Variants in NRG2 observed in about 807,000 individuals in gnomAD.
The protein encoded by NRG2 is neuregulin 2.
Under a neutral mutation model 73.9 loss-of-function variants are expected in NRG2, and 27 were observed. The observed-to-expected ratio is 0.37, with a 90% confidence interval of 0.27 to 0.50. The LOEUF is 0.50. Among genes scored for constraint, NRG2 ranks in the 20% least tolerant of loss-of-function variants. NRG2 has a pLI of 0.96. For missense variants in NRG2, 1,126 were observed against 1,210.1 expected, an observed-to-expected ratio of 0.93 and a Z score of 1.03; for synonymous variants, 532 against 541.0, an observed-to-expected ratio of 0.98 and a Z score of 0.23.
Position 139,887,457 on chromosome 5 carries a change from T to C in NRG2, c.755A>G (p.Lys252Arg). 6.2e-7 allele frequency: 1 copy of C among 1,614,240 alleles called. No homozygotes were observed. Among genetic ancestry groups the C allele is most frequent in the Non-Finnish European group, 8.5e-7 (1 of 1,180,040 alleles). Reference protein sequence around the residue: ...MKSQTGQVGEKQSLKCEAAAG... With the variant: ...MKSQTGQVGERQSLKCEAAAG... Reference sequence around the variant, plus strand: ...TGCTGCCTCACACTTCAGCGATTGCTTCTCACCCACCTGTCCCGTCTGGCT... The same window carrying C: ...TGCTGCCTCACACTTCAGCGATTGCCTCTCACCCACCTGTCCCGTCTGGCT... The change falls in exon 2 of 10, where the codon AAG (lysine) becomes AGG (arginine). Residue 252 changes from lysine to arginine, a missense_variant. Lys to Arg is a conservative substitution (Grantham distance 26, BLOSUM62 2). Coordinates refer to ENST00000361474, the MANE Select transcript of NRG2 (RefSeq NM_004883.3). The surrounding 1 kb of genome is among the most constrained non-coding windows in gnomAD (Gnocchi z 4.5).
intron 3 of NRG2, among the ~76,000 whole-genome samples, chr5:139,872,200 G>A (rs778824469): frequency 7.9e-5 from 12 of 152,184 alleles, no homozygotes; most frequent in Non-Finnish European, 1.5e-4. Context: ...GGGCTCCCCT[G>A]CAAGTGGTTG....
Position 140,043,166 on chromosome 5 carries a change from C to A in NRG2, c.-97G>T. The A allele has an allele frequency of 1.4e-6, 2 of 1,388,212 alleles. No homozygotes were observed. Among genetic ancestry groups the A allele is most frequent in the South Asian group, 1.4e-5 (1 of 72,078 alleles). The allele number at this position is 1,388,212 out of a possible 1,614,324, so 86.0% of individuals were successfully genotyped here. A position where few individuals can be genotyped will look rare whatever the true frequency, so the allele number is the denominator to read the frequency against. On this transcript the variant is annotated 5_prime_UTR_variant, in exon 1 of 10. Transcript: ENST00000361474. The surrounding 1 kb of genome is among the most constrained non-coding windows in gnomAD (Gnocchi z 6.7). ...AAAACCGGAAACAGCGTAACGTTAG[C>A]GCCTCTTAGCCCTCCACCGGCAGCC...
chr5:139,857,625 C>A (rs923012376), intron 5 of NRG2, among the ~76,000 whole-genome samples: 2 of 151,996 alleles, frequency 1.3e-5, no homozygotes, highest in East Asian at 3.9e-4. Flanking sequence ...TCTCTGCAGG[C>A]ATTTAATCAG....
intron 5 of NRG2, among the ~76,000 whole-genome samples, chr5:139,858,458 T>C (rs1451680257): frequency 6.6e-6 from 1 of 152,242 alleles, no homozygotes; most frequent in Non-Finnish European, 1.5e-5. Flanking sequence ...TTTTATTTTC[T>C]GTGCAGCACT....
chr5:140,016,723 T>C (rs1031383412), intron 1 of NRG2, among the ~76,000 whole-genome samples: 4 of 152,198 alleles, frequency 2.6e-5, no homozygotes, highest in African/African-American at 9.7e-5. Context: ...CTTAAGGAAG[T>C]AACATCTGAG....
At chr5:140,040,995 C>A (rs1290615555) in intron 1 of NRG2, among the ~76,000 whole-genome samples, 2 of 152,144 alleles carry the variant, frequency 1.3e-5, no homozygotes. Context: ...TAGTTAGTGT[C>A]TAGATATACT....
chr5:139,964,925 G>A (rs927223585), intron 1 of NRG2, among the ~76,000 whole-genome samples: 3 of 152,264 alleles, frequency 2.0e-5, no homozygotes, highest in African/African-American at 7.2e-5. Context: ...CTGGAGAGGA[G>A]AGTGGAGTTT....
At position 139,853,135 on chromosome 5, in the gene NRG2, C is replaced by T; in HGVS notation, c.1293-108G>A. 1 of 1,480,448 alleles carries T rather than the reference C, an allele frequency of 6.8e-7. No individual in the cohort carries two copies. Among genetic ancestry groups the T allele is most frequent in the Non-Finnish European group, 9.2e-7 (1 of 1,086,036 alleles). The allele number at this position is 1,480,448 out of a possible 1,614,324, so 91.7% of individuals were successfully genotyped here. On this transcript the variant is annotated intron_variant, in intron 6 of 9. Transcript: ENST00000361474. This position sits in a 1 kb window ranked among gnomAD's most constrained non-coding sequence, Gnocchi z 4.1. ...AGCTTTTCCTCCTGCCCAGGGTGGC[C>T]ATGGCTACTGCTCGTCCCTGTACTC...
In NRG2 at chr5:139,925,780, C is replaced by T. The variant is rs774331051; in HGVS notation, c.701-38269G>A. On this transcript the variant is annotated intron_variant, in intron 1 of 9. Transcript: ENST00000361474. ...GGCTCCTGAGGTCTGGTAGAGGACC[C>T]CTGCAGGGATGGGGAGCTTGAAGGA... Among the ~76,000 whole-genome samples the T allele has an allele frequency of 2.9e-4, 44 of 152,306 alleles. 1 individual carries two copies. The highest frequency in any genetic ancestry group is 7.4e-5 in the Non-Finnish European group (5 of 68,014).
At chr5:139,860,360 T>A (rs550908497) in intron 5 of NRG2, among the ~76,000 whole-genome samples, 1 of 151,720 alleles carries the variant, frequency 6.6e-6, no homozygotes, top group Non-Finnish European at 1.5e-5. Flanking sequence ...AGCTCCCTCA[T>A]TGGGGGCCCA....
At chr5:140,033,051 T>C (rs1761265787) in intron 1 of NRG2, among the ~76,000 whole-genome samples, 1 of 152,228 alleles carries the variant, frequency 6.6e-6, no homozygotes, top group African/African-American at 2.4e-5. Flanking sequence ...ATCAATTAAT[T>C]ATTTAAAATA....
chr5:139,898,174 A>G lies in NRG2; in HGVS notation c.701-10663T>C, dbSNP rs1468745648. On this transcript the variant is annotated intron_variant, in intron 1 of 9. Transcript: ENST00000361474. Reference sequence around the variant, plus strand: ...AGGCCCTGTGGAGGAAACAAAGCCTATGCTGGACCTGAAGGATGAGCAAGA... The same window carrying G: ...AGGCCCTGTGGAGGAAACAAAGCCTGTGCTGGACCTGAAGGATGAGCAAGA... Among the ~76,000 whole-genome samples, 9 of 152,252 alleles carry G rather than the reference A, an allele frequency of 5.9e-5. No homozygotes were observed. In the South Asian group the frequency reaches 1.0e-3, roughly 17 times the overall value.
intron 1 of NRG2, among the ~76,000 whole-genome samples, chr5:139,926,027 G>A (rs1752033096): frequency 6.6e-6 from 1 of 152,230 alleles, no homozygotes; most frequent in African/African-American, 2.4e-5. Context: ...AGTAGATGCA[G>A]CCAATGTGGC....
chr5:140,011,411 G>A (rs568349991), intron 1 of NRG2, among the ~76,000 whole-genome samples: 1 of 152,322 alleles, frequency 6.6e-6, no homozygotes, highest in East Asian at 1.9e-4. Flanking sequence ...TTCCCTGAGT[G>A]TGGGCTGGAC....
chr5:139,862,232 T>G (rs1020185500), intron 5 of NRG2, among the ~76,000 whole-genome samples: 1 of 152,204 alleles, frequency 6.6e-6, no homozygotes, highest in African/African-American at 2.4e-5. Context: ...CTGCAGCTTC[T>G]AGGGCTCCTA....
chr5:140,041,735 A>G (rs1157824304), intron 1 of NRG2, among the ~76,000 whole-genome samples: 2 of 152,176 alleles, frequency 1.3e-5, no homozygotes, highest in African/African-American at 4.8e-5. Flanking sequence ...TGCTTAGCAA[A>G]GACAGGCAAT....
In NRG2 at chr5:139,883,861, G is replaced by A. The variant is rs1561653300; in HGVS notation, c.873-2887C>T. 2.0e-5 allele frequency among the ~76,000 whole-genome samples: 3 copies of A among 152,318 alleles called. No individual in the cohort carries two copies. In the East Asian group the frequency reaches 5.8e-4, roughly 29 times the overall value. ...GTTTCCAGATGCAGCAAATGGGGCAGGGCCCTGAAAGGTAGGGAGCAGGGG... is the reference window on the plus strand; with the variant it reads ...GTTTCCAGATGCAGCAAATGGGGCAAGGCCCTGAAAGGTAGGGAGCAGGGG... On this transcript the variant is annotated intron_variant, in intron 2 of 9. Transcript: ENST00000361474.
At position 140,010,383 on chromosome 5, in the gene NRG2, G is replaced by A. The variant is rs112681767; in HGVS notation, c.700+31987C>T. Among the ~76,000 whole-genome samples, 911 of 152,282 alleles carry A rather than the reference G, an allele frequency of 6.0e-3. 10 individuals are homozygous for A. The highest frequency in any genetic ancestry group is 0.021 in the African/African-American group (862 of 41,542). On this transcript the variant is annotated intron_variant, in intron 1 of 9. Transcript: ENST00000361474. ...CCAAACCCATAGAATGTACAACACT[G>A]AGAGTGAAGCCTAATGTATAGACTT...
chr5:139,959,391 T>G (rs891022708), intron 1 of NRG2, among the ~76,000 whole-genome samples: 1 of 148,738 alleles, frequency 6.7e-6, no homozygotes, highest in Admixed American at 6.7e-5. Flanking sequence ...TTGTTTGTTT[T>G]TTGAGATGGA....
Sources: gnomAD v4.1 joint callset for allele counts (sites outside exome capture counted in the v4.1 genomes callset) on GRCh38, gnomAD v4.1.1 for gene constraint, Gnocchi (gnomAD v3.1) non-coding constraint, MANE v1.5 for transcripts, NCBI Gene and HGNC (gene_info 2026-07-23, HGNC 2026-07-21) for gene names.